Variants in SPNS2 observed in about 807,000 individuals in gnomAD.
SPNS2 encodes the protein SPNS lysolipid transporter 2, sphingosine-1-phosphate, also known as sphingosine-1-phosphate transporter SPNS2.
SPNS2 carries 37 observed loss-of-function variants against 57.6 expected under a neutral mutation model. The observed-to-expected ratio is 0.64, with a 90% CI of 0.49 to 0.85. The LOEUF (loss-of-function observed/expected upper bound fraction) is 0.85. Ranked by LOEUF, SPNS2 falls within the 40% of genes least tolerant of loss-of-function variation. SPNS2 has a pLI of 0.00. For missense variants in SPNS2, 831 were observed against 779.1 expected (o/e 1.07, Z -0.79); for synonymous variants, 440 against 346.9 (o/e 1.27, Z -2.98).
At chr17:4,531,812 G>A (rs1905487806) in intron 5 of SPNS2, among the ~76,000 whole-genome samples, 1 of 151,906 alleles carries the variant, frequency 6.6e-6, no homozygotes, top group Non-Finnish European at 1.5e-5. Flanking sequence ...AGGCTGCCAG[G>A]GTGTTACCCT....
At chr17:4,509,853 T>C (rs1567588151) in intron 1 of SPNS2, among the ~76,000 whole-genome samples, 6 of 152,362 alleles carry the variant, frequency 3.9e-5, no homozygotes, top group South Asian at 4.1e-4. Context: ...GGCTGGGGTC[T>C]GCATCTGGGG....
At chr17:4,507,884 A>G (rs1567587641) in intron 1 of SPNS2, among the ~76,000 whole-genome samples, 1 of 152,344 alleles carries the variant, frequency 6.6e-6, no homozygotes, top group South Asian at 2.1e-4. Context: ...TCTTGAGGTC[A>G]GTGTGGATTT....
At chr17:4,516,830 C>T (rs183739866) in intron 2 of SPNS2, among the ~76,000 whole-genome samples, 6 of 152,308 alleles carry the variant, frequency 3.9e-5, no homozygotes, top group East Asian at 1.9e-4. Flanking sequence ...ACTCAAAAAC[C>T]GGAGTGGGAG....
In SPNS2 at chr17:4,538,840, C is replaced by T. The variant is rs184309792; in HGVS notation, c.*1392C>T. The T allele has an allele frequency of 7.3e-4, 568 of 778,550 alleles. 2 individuals are homozygous for T. The African/African-American group carries it at 8.6e-3, about 12-fold the overall frequency. 48.2% of individuals were successfully genotyped at this position (778,550 alleles called of 1,614,324 possible). A position where few individuals can be genotyped will look rare whatever the true frequency, so the allele number is the denominator to read the frequency against. On this transcript the variant is annotated 3_prime_UTR_variant, in exon 13 of 13. Transcript: ENST00000329078. ...CATCCTCCAAAGACCAGCCTCCACC[C>T]CCACTCCAGCCTCAGCGGGGCCCCA...
chr17:4,535,254 G>A (rs370568444), intron 9 of SPNS2, among the ~76,000 whole-genome samples: 3 of 152,186 alleles, frequency 2.0e-5, no homozygotes, highest in South Asian at 2.1e-4. Context: ...TCTGATGGGG[G>A]TCTGGGGCCC....
At chr17:4,524,929 T>A (rs1905226555) in intron 2 of SPNS2, 128 bp from the exon 3 acceptor site, 2 of 1,384,588 alleles carry the variant, frequency 1.4e-6, no homozygotes, top group South Asian at 1.4e-5. Context: ...CGGGCCGAGG[T>A]TTCCTCTCTG....
At position 4,510,060 on chromosome 17, in the gene SPNS2, C is replaced by T. The variant is rs192971755; in HGVS notation, c.371-3187C>T. 1.5e-4 allele frequency among the ~76,000 whole-genome samples: 23 copies of T among 152,344 alleles called. 1 individual carries two copies. The highest frequency in any genetic ancestry group is 4.1e-4 in the South Asian group (2 of 4,830). Reference sequence around the variant, plus strand: ...CTGGAGCCCAAAGGAAAATCTGAGGCGACCCGCCGAGCTGCTGTGACACAC... The same window carrying T: ...CTGGAGCCCAAAGGAAAATCTGAGGTGACCCGCCGAGCTGCTGTGACACAC... On this transcript the variant is annotated intron_variant, in intron 1 of 12. Coordinates refer to ENST00000329078, the MANE Select transcript of SPNS2 (RefSeq NM_001124758.3). This position sits in a 1 kb window ranked among gnomAD's most constrained non-coding sequence, Gnocchi z 4.4.
chr17:4,533,633 C>A, intron 8 of SPNS2, 155 bp from the exon 9 acceptor site: 2 of 1,045,578 alleles, frequency 1.9e-6, no homozygotes, highest in Non-Finnish European at 2.8e-6. Flanking sequence ...GTGGGCATGG[C>A]TTGAAGTCTC....
At position 4,532,542 on chromosome 17, in the gene SPNS2, GTGTCCCC is replaced by G. The variant is rs774516419; in HGVS notation, c.799_805del (p.Pro267TrpfsTer3). The G allele has an allele frequency of 6.2e-7, 1 of 1,614,166 alleles. No homozygotes were observed. The highest frequency in any genetic ancestry group is 8.5e-7 in the Non-Finnish European group (1 of 1,180,040). ...GTCCTAACTTCCTGCTCTCTGGCAG[GTGTCCCC>G]TGTCCTGGGCATGATCACAGGAACA... On this transcript the variant is annotated frameshift_variant and splice_region_variant, in exon 6 of 13. Transcript: ENST00000329078. LOFTEE classifies it high-confidence loss of function.
At chr17:4,502,347 T>A (rs1904542881) in intron 1 of SPNS2, among the ~76,000 whole-genome samples, 1 of 149,550 alleles carries the variant, frequency 6.7e-6, no homozygotes, top group Non-Finnish European at 1.5e-5. Context: ...GCCACTGTAC[T>A]CCAGCCTGGG....
intron 2 of SPNS2, among the ~76,000 whole-genome samples, chr17:4,516,309 A>C (rs1361787689): frequency 8.5e-5 from 9 of 105,890 alleles, no homozygotes; most frequent in African/African-American, 3.4e-4. Context: ...GTGAGACTCT[A>C]TCTCCCCAAA....
At chr17:4,504,705 C>G (rs1032171866) in intron 1 of SPNS2, among the ~76,000 whole-genome samples, 1 of 152,198 alleles carries the variant, frequency 6.6e-6, no homozygotes, top group South Asian at 2.1e-4. Flanking sequence ...CAGGAGAACA[C>G]TGGCCCGATC....
Position 4,530,670 on chromosome 17 carries a change from C to A in SPNS2, c.612C>A (p.Gly204=). ...TGGTCCTGTCCCGGGGGCTGGTGGGCATCGGGGAGGCCAGCTACTCCACCA... is the reference window on the plus strand; with the variant it reads ...TGGTCCTGTCCCGGGGGCTGGTGGGAATCGGGGAGGCCAGCTACTCCACCA... ...WLLVLSRGLV[G]IGEASYSTIA... The change falls in exon 4 of 13, where the codon GGC becomes GGA. Residue 204 remains glycine (G), a synonymous_variant. Coordinates refer to ENST00000329078, the MANE Select transcript of SPNS2 (RefSeq NM_001124758.3). 1 of 1,613,642 alleles carries A rather than the reference C, an allele frequency of 6.2e-7. No individual in the cohort carries two copies. The highest frequency in any genetic ancestry group is 2.2e-5 in the East Asian group (1 of 44,886).
In SPNS2 at chr17:4,532,660, G is replaced by A. The variant is rs768439838; in HGVS notation, c.911G>A (p.Arg304Gln). The change falls in exon 6 of 13, where the codon CGA becomes CAA. Residue 304 changes from arginine to glutamine, a missense_variant. Arg to Gln is a conservative substitution (Grantham distance 43, BLOSUM62 1). Around this residue, in one of 2 missense-constraint regions of SPNS2, gnomAD observed 526 missense variants for 400.9 expected, o/e 1.31. Transcript: ENST00000329078. ...DQLKARTSWL[R>Q]DMKALIRNRS... ...CTCAAGGCCCGGACCTCATGGCTCC[G>A]AGATATGAAGGCCCTGATTCGAAAG... is the stretch of plus-strand genomic sequence containing the variant. 8.1e-6 allele frequency: 13 copies of A among 1,613,982 alleles called. No homozygotes were observed. Among genetic ancestry groups the A allele is most frequent in the East Asian group, 2.2e-5 (1 of 44,874 alleles).
At chr17:4,501,346 C>T (rs1253566707) in intron 1 of SPNS2, among the ~76,000 whole-genome samples, 1 of 152,118 alleles carries the variant, frequency 6.6e-6, no homozygotes, top group African/African-American at 2.4e-5. Context: ...TCAGGGAGGG[C>T]TGGCACTTAT....
intron 9 of SPNS2, among the ~76,000 whole-genome samples, 159 bp from the exon 10 acceptor site, chr17:4,535,898 GGTGGGCAGTAGAGGGGACT>G (rs753256108): frequency 1.7e-4 from 26 of 152,156 alleles, no homozygotes; most frequent in Non-Finnish European, 2.9e-4. Context: ...AGGCTGGTGG[GGTGGGCAGTAGAGGGGACT>G]GTGGGGAGGA....
rs1258652739 is a variant in SPNS2 at position 4,529,315 on chromosome 17, A to G, written c.574-1317A>G. ...GGCTGGTCTCGAACTCCTGGCCTCA[A>G]GCAATCCTCCTGCCTCAGCCTCCTA... On this transcript the variant is annotated intron_variant, in intron 3 of 12. Transcript: ENST00000329078. 2.6e-5 allele frequency among the ~76,000 whole-genome samples: 4 copies of G among 151,928 alleles called. No homozygotes were observed. The East Asian group carries it at 7.8e-4, about 30-fold the overall frequency.
Position 4,512,714 on chromosome 17 carries a change from G to A in SPNS2, c.371-533G>A, listed in dbSNP as rs186947431. On this transcript the variant is annotated intron_variant, in intron 1 of 12. Transcript: ENST00000329078. This position sits in a 1 kb window ranked among gnomAD's most constrained non-coding sequence, Gnocchi z 5.2. ...CATGTGTGCAGGTGTGTGCACACAC[G>A]TGCGTGCGTGTGCAGGTGTGTGTGT... 9.7e-4 allele frequency among the ~76,000 whole-genome samples: 147 copies of A among 152,054 alleles called. 1 individual carries two copies. Among genetic ancestry groups the A allele is most frequent in the Admixed American group, 1.4e-3 (22 of 15,286 alleles).
intron 3 of SPNS2, among the ~76,000 whole-genome samples, chr17:4,526,013 A>C (rs764169707): frequency 6.6e-6 from 1 of 152,182 alleles, no homozygotes; most frequent in Non-Finnish European, 1.5e-5. Context: ...GGAGAGCATG[A>C]TCTGTCTTCA....
Sources: gnomAD v4.1 joint callset for allele counts (sites outside exome capture counted in the v4.1 genomes callset) on GRCh38, gnomAD v4.1.1 for gene constraint, gnomAD v4.1.1 regional missense constraint, Gnocchi (gnomAD v3.1) non-coding constraint, MANE v1.5 for transcripts, NCBI Gene and HGNC (gene_info 2026-07-23, HGNC 2026-07-21) for gene names.